The following DAB2IP variants were observed in gnomAD, a reference collection of about 807,000 sequenced individuals.
The protein encoded by DAB2IP is disabled homolog 2-interacting protein.
Under a neutral mutation model 107.2 loss-of-function variants are expected in DAB2IP, and 28 were observed. The ratio of observed to expected loss-of-function variants is 0.26; its 90% CI spans 0.19 to 0.36. The LOEUF (loss-of-function observed/expected upper bound fraction) is 0.36, where lower values mean the gene tolerates loss of function less well. Ranked by LOEUF, DAB2IP falls within the 10% of genes least tolerant of loss-of-function variation. The pLI, the probability that DAB2IP is intolerant of heterozygous loss-of-function variation, is 1.00. For missense variants in DAB2IP, 1,400 were observed against 1,644.7 expected (o/e 0.85, Z 2.57); for synonymous variants, 755 against 706.4 (o/e 1.07, Z -1.09).
At chr9:121,721,975 C>T (rs1223823437) in intron 3 of DAB2IP, among the ~76,000 whole-genome samples, 1 of 152,206 alleles carries the variant, frequency 6.6e-6, no homozygotes, top group Non-Finnish European at 1.5e-5. Context: ...TGCTGCAGGC[C>T]TGACCCAGGC....
intron 1 of DAB2IP, among the ~76,000 whole-genome samples, chr9:121,632,628 A>G (rs1337776086): frequency 6.6e-6 from 1 of 152,050 alleles, no homozygotes; most frequent in Non-Finnish European, 1.5e-5. Flanking sequence ...AGGGTCAAAC[A>G]CAAACTCCAT....
rs966206977 is a variant in DAB2IP at position 121,702,442 on chromosome 9, T to C, written c.362+2984T>C. On this transcript the variant is annotated intron_variant, in intron 3 of 15. Transcript: ENST00000408936. This position sits in a 1 kb window ranked among gnomAD's most constrained non-coding sequence, Gnocchi z 4.5. ...GGACAGGCTTGAGCCTTCGGACTTA[T>C]TCTTCTGAAACGGCCTCAGGGGAGG... Among the ~76,000 whole-genome samples, 3 of 152,150 alleles carry C rather than the reference T, an allele frequency of 2.0e-5. No individual in the cohort carries two copies. Among genetic ancestry groups the C allele is most frequent in the African/African-American group, 7.2e-5 (3 of 41,422 alleles).
chr9:121,745,371 C>T (rs915007437), intron 3 of DAB2IP, among the ~76,000 whole-genome samples: 8 of 152,120 alleles, frequency 5.3e-5, no homozygotes, highest in East Asian at 3.8e-4. Flanking sequence ...AGTTTCTGCC[C>T]GTGCCAGTGG....
At position 121,673,989 on chromosome 9, in the gene DAB2IP, G is replaced by A. The variant is rs7857055; in HGVS notation, c.125-4689G>A. Among the ~76,000 whole-genome samples the A allele has an allele frequency of 3.7e-3, 560 of 152,342 alleles. 3 individuals carry two copies. Among genetic ancestry groups the A allele is most frequent in the African/African-American group, 0.012 (516 of 41,580 alleles). Reference sequence around the variant, plus strand: ...CTCAGACTATGGTGATTAGAGGAGCGTTTAATAGAGGGGCTGCTTATGAAG... The same window carrying A: ...CTCAGACTATGGTGATTAGAGGAGCATTTAATAGAGGGGCTGCTTATGAAG... On this transcript the variant is annotated intron_variant, in intron 1 of 15. Transcript: ENST00000408936.
intron 1 of DAB2IP, among the ~76,000 whole-genome samples, chr9:121,581,975 AGCTGCCG>A (rs1438181140): frequency 6.6e-6 from 1 of 152,176 alleles, no homozygotes; most frequent in African/African-American, 2.4e-5. Context: ...CTGAGGGCCA[AGCTGCCG>A]GCTGGAACAA....
rs552214916 is a variant in DAB2IP at position 121,730,431 on chromosome 9, G to A, written c.363-26582G>A. ...GGCTCACCAATTATAGCTCCATATTGGTAGCCATTCCTTGGGAAGCTTGGC... is the reference window on the plus strand; with the variant it reads ...GGCTCACCAATTATAGCTCCATATTAGTAGCCATTCCTTGGGAAGCTTGGC... On this transcript the variant is annotated intron_variant, in intron 3 of 15. Transcript: ENST00000408936. Among the ~76,000 whole-genome samples the A allele has an allele frequency of 9.6e-4, 146 of 152,282 alleles. 8 individuals carry two copies. Among genetic ancestry groups the A allele is most frequent in the Non-Finnish European group, 5.3e-4 (36 of 68,036 alleles).
upstream of DAB2IP, among the ~76,000 whole-genome samples, chr9:121,650,079 C>G (rs1428963485): frequency 1.3e-5 from 2 of 152,208 alleles, no homozygotes; most frequent in African/African-American, 4.8e-5. Context: ...TGTGGCCTGA[C>G]AATTCTTCTT....
At chr9:121,583,211 AC>A (rs1356735677) in intron 1 of DAB2IP, among the ~76,000 whole-genome samples, 3 of 152,120 alleles carry the variant, frequency 2.0e-5, no homozygotes, top group African/African-American at 7.2e-5. Context: ...ACATGGCGAA[AC>A]CCCGTCTTTA....
chr9:121,667,988 T>C (rs1346310154), intron 1 of DAB2IP, among the ~76,000 whole-genome samples: 1 of 151,952 alleles, frequency 6.6e-6, no homozygotes, highest in Non-Finnish European at 1.5e-5. Context: ...ATGAGAGAGA[T>C]GCAAAACCAG....
intron 3 of DAB2IP, among the ~76,000 whole-genome samples, chr9:121,749,566 G>A (rs1832960239): frequency 6.6e-6 from 1 of 152,182 alleles, no homozygotes; most frequent in Admixed American, 6.5e-5. Flanking sequence ...AGTGGCTTGG[G>A]ACCACACAGG....
intron 3 of DAB2IP, among the ~76,000 whole-genome samples, chr9:121,704,665 C>T (rs1254948391): frequency 6.6e-6 from 1 of 152,126 alleles, no homozygotes; most frequent in Non-Finnish European, 1.5e-5. Context: ...CCTGGCTGTC[C>T]TCTCCTCCTC....
At chr9:121,646,704 T>C (rs117736502), upstream of DAB2IP, among the ~76,000 whole-genome samples, 2,489 of 152,204 alleles carry the variant, frequency 0.016, 35 homozygotes, top group South Asian at 0.026. Context: ...TGGGCTCCGA[T>C]GCTTCCCCTG....
At chr9:121,731,984 G>A (rs1447810300) in intron 3 of DAB2IP, among the ~76,000 whole-genome samples, 2 of 152,162 alleles carry the variant, frequency 1.3e-5, no homozygotes, top group Non-Finnish European at 2.9e-5. Flanking sequence ...AGCAGCAAGT[G>A]ACCTAGCCAC....
chr9:121,781,214 GGGGC>G (rs1835612675), intron 14 of DAB2IP, among the ~76,000 whole-genome samples: 1 of 152,188 alleles, frequency 6.6e-6, no homozygotes, highest in East Asian at 1.9e-4. Flanking sequence ...GGGCAGCCCG[GGGGC>G]CTCTGGGGCT....
intron 14 of DAB2IP, among the ~76,000 whole-genome samples, chr9:121,779,818 C>CGGGAGCTAT (rs1564235158): frequency 6.6e-6 from 1 of 152,236 alleles, no homozygotes; most frequent in African/African-American, 2.4e-5. Flanking sequence ...AACCCCCACT[C>CGGGAGCTAT]GGGAGCTATG....
chr9:121,631,662 A>T lies in DAB2IP; in HGVS notation c.41-47016A>T, dbSNP rs543503506. 4.6e-5 allele frequency among the ~76,000 whole-genome samples: 7 copies of T among 152,134 alleles called. No homozygotes were observed. The East Asian group carries it at 1.4e-3, about 29-fold the overall frequency. Reference sequence around the variant, plus strand: ...GAAACCCCGTCTCTACTAAAAATACAACAATTAGCTGGGCGTGGTGGCATG... The same window carrying T: ...GAAACCCCGTCTCTACTAAAAATACTACAATTAGCTGGGCGTGGTGGCATG... On this transcript the variant is annotated intron_variant, in intron 1 of 16. Coordinates refer to the DAB2IP transcript ENST00000259371.
intron 1 of DAB2IP, among the ~76,000 whole-genome samples, chr9:121,609,810 C>G (rs1831026315): frequency 6.6e-6 from 1 of 152,242 alleles, no homozygotes; most frequent in Admixed American, 6.5e-5. Flanking sequence ...CAACATCACC[C>G]ACTTCTCAGA....
chr9:121,657,625 C>G (rs1833022723), intron 1 of DAB2IP, among the ~76,000 whole-genome samples: 1 of 152,156 alleles, frequency 6.6e-6, no homozygotes, highest in Non-Finnish European at 1.5e-5. Context: ...ACCCAGTCCA[C>G]TGGACTCGAA....
At chr9:121,649,424 C>T (rs1029015089), upstream of DAB2IP, among the ~76,000 whole-genome samples, 6 of 110,064 alleles carry the variant, frequency 5.5e-5, 1 homozygote, top group African/African-American at 8.0e-5. Flanking sequence ...CCTCAGACTT[C>T]CTGTTGGGGG....
Sources: gnomAD v4.1 joint callset for allele counts (sites outside exome capture counted in the v4.1 genomes callset) on GRCh38, gnomAD v4.1.1 for gene constraint, Gnocchi (gnomAD v3.1) non-coding constraint, MANE v1.5 for transcripts, NCBI Gene and HGNC (gene_info 2026-07-23, HGNC 2026-07-21) for gene names.